PTPRD: variants seen among roughly 807,000 people sequenced by gnomAD.
The protein encoded by PTPRD is protein tyrosine phosphatase receptor type D, also known as receptor-type tyrosine-protein phosphatase delta.
In PTPRD, 34 loss-of-function variants were observed where a neutral mutation model predicts 214.5. That is an observed-to-expected ratio of 0.16 (90% CI 0.12 to 0.21). The LOEUF (loss-of-function observed/expected upper bound fraction) is 0.21. PTPRD is among the 10% of genes least tolerant of loss of function. PTPRD has a pLI of 1.00. For synonymous variants in PTPRD, 1,128 were observed against 845.7 expected, an observed-to-expected ratio of 1.33 and a Z score of -5.79; for missense variants, 2,545 against 2,398.7, an observed-to-expected ratio of 1.06 and a Z score of -1.27.
At chr9:9,868,453 C>A (rs1600306136) in intron 5 of PTPRD, among the ~76,000 whole-genome samples, 1 of 151,694 alleles carries the variant, frequency 6.6e-6, no homozygotes, top group East Asian at 1.9e-4. Flanking sequence ...AAGAGCAAGT[C>A]AAAGATCAAA....
chr9:8,557,760 AAAAAAAAG>A (rs1564327700), intron 14 of PTPRD, among the ~76,000 whole-genome samples: 5 of 121,072 alleles, frequency 4.1e-5, no homozygotes, highest in African/African-American at 2.8e-4. Flanking sequence ...AAAAAAAAAA[AAAAAAAAG>A]AAAAACAAAA....
intron 6 of PTPRD, among the ~76,000 whole-genome samples, chr9:9,754,921 A>T (rs1208695246): frequency 6.6e-6 from 1 of 151,992 alleles, no homozygotes; most frequent in Non-Finnish European, 1.5e-5. Flanking sequence ...TATTTTTTTT[A>T]ATCACAGGTT....
At chr9:8,461,856 C>T (rs1306877310) in intron 32 of PTPRD, among the ~76,000 whole-genome samples, 1 of 151,892 alleles carries the variant, frequency 6.6e-6, no homozygotes. Flanking sequence ...CACCATGTTT[C>T]CCAGGCTGGT....
chr9:9,571,308 C>G (rs2086317929), intron 8 of PTPRD, among the ~76,000 whole-genome samples: 1 of 151,220 alleles, frequency 6.6e-6, no homozygotes, highest in Non-Finnish European at 1.5e-5. Context: ...ATGTATGTCT[C>G]TCTCTCTCTT....
At chr9:8,588,932 G>A (rs1016860148) in intron 14 of PTPRD, among the ~76,000 whole-genome samples, 4 of 152,108 alleles carry the variant, frequency 2.6e-5, no homozygotes, top group East Asian at 3.9e-4. Flanking sequence ...GCTTTCCACC[G>A]AAGAGCCAAG....
At chr9:9,860,798 G>T (rs576631638) in intron 5 of PTPRD, among the ~76,000 whole-genome samples, 18 of 152,126 alleles carry the variant, frequency 1.2e-4, no homozygotes, top group Non-Finnish European at 7.4e-5. Flanking sequence ...GGTATCCCTT[G>T]GTCAAAGATT....
chr9:10,294,328 A>G (rs939848049), intron 3 of PTPRD, among the ~76,000 whole-genome samples: 3 of 151,954 alleles, frequency 2.0e-5, no homozygotes, highest in African/African-American at 7.2e-5. Flanking sequence ...CCATTAAGAT[A>G]AAATATCTAA....
intron 2 of PTPRD, among the ~76,000 whole-genome samples, chr9:10,553,760 TTTC>T (rs1281704474): frequency 2.0e-5 from 3 of 152,026 alleles, no homozygotes; most frequent in Admixed American, 6.6e-5. Flanking sequence ...TGCAGCTAGT[TTTC>T]TTATTAATAA....
intron 7 of PTPRD, among the ~76,000 whole-genome samples, chr9:9,646,542 C>T (rs1439716892): frequency 6.6e-6 from 1 of 152,028 alleles, no homozygotes. Flanking sequence ...GTATTATTAT[C>T]TGTTTATACT....
At chr9:10,316,764 G>C (rs144712709) in intron 3 of PTPRD, among the ~76,000 whole-genome samples, 3 of 151,804 alleles carry the variant, frequency 2.0e-5, no homozygotes, top group Non-Finnish European at 4.4e-5. Context: ...ATCTAAAAAA[G>C]ATTTTTTAGA....
chr9:10,537,418 T>G (rs10809116), intron 2 of PTPRD, among the ~76,000 whole-genome samples: 59,611 of 151,988 alleles, frequency 0.39, 12,915 homozygotes, highest in Non-Finnish European at 0.51. Context: ...GTTGTACTTA[T>G]TTTTATAATG....
intron 3 of PTPRD, among the ~76,000 whole-genome samples, chr9:10,084,177 G>A (rs920801238): frequency 6.6e-6 from 1 of 151,946 alleles, no homozygotes; most frequent in Non-Finnish European, 1.5e-5. Flanking sequence ...TTTAAGTGTT[G>A]TTTTGTTAGA....
intron 8 of PTPRD, among the ~76,000 whole-genome samples, chr9:9,567,398 T>A (rs1429211254): frequency 6.6e-6 from 1 of 151,990 alleles, no homozygotes; most frequent in South Asian, 2.1e-4. Flanking sequence ...AACCCCATTC[T>A]GTACATTTTT....
intron 11 of PTPRD, among the ~76,000 whole-genome samples, chr9:8,747,211 A>G (rs2092923105): frequency 6.6e-6 from 1 of 152,236 alleles, no homozygotes; most frequent in Non-Finnish European, 1.5e-5. Context: ...CCTTGTTTAA[A>G]AAAATTGAAC....
At chr9:10,075,304 C>CT (rs1238885666) in intron 3 of PTPRD, among the ~76,000 whole-genome samples, 3 of 151,974 alleles carry the variant, frequency 2.0e-5, no homozygotes, top group African/African-American at 7.2e-5. Flanking sequence ...TTGACATCTA[C>CT]TTTTTTCCAC....
chr9:9,719,319 G>A (rs957213636), intron 7 of PTPRD, among the ~76,000 whole-genome samples: 1 of 152,040 alleles, frequency 6.6e-6, no homozygotes. Context: ...TTGGACATGG[G>A]ACAAGAACTC....
chr9:10,368,631 C>T (rs2097557035), intron 2 of PTPRD, among the ~76,000 whole-genome samples: 1 of 151,828 alleles, frequency 6.6e-6, no homozygotes, highest in Non-Finnish European at 1.5e-5. Flanking sequence ...AATTTCTGTC[C>T]TTTTAAAGGT....
intron 37 of PTPRD, among the ~76,000 whole-genome samples, chr9:8,381,896 G>A (rs1467534349): frequency 1.3e-5 from 2 of 152,186 alleles, no homozygotes; most frequent in African/African-American, 2.4e-5. Flanking sequence ...GTCCTAACCA[G>A]AGCAGAACTG....
At chr9:8,636,456 G>A (rs2096436910) in intron 13 of PTPRD, among the ~76,000 whole-genome samples, 1 of 152,086 alleles carries the variant, frequency 6.6e-6, no homozygotes, top group South Asian at 2.1e-4. Flanking sequence ...GGATGAAACT[G>A]ACAGACTAAT....
Sources: gnomAD v4.1 joint callset for allele counts (sites outside exome capture counted in the v4.1 genomes callset) on GRCh38, gnomAD v4.1.1 for gene constraint, MANE v1.5 for transcripts, NCBI Gene and HGNC (gene_info 2026-07-23, HGNC 2026-07-21) for gene names.